TAB2: variants seen among roughly 807,000 people sequenced by gnomAD.
TAB2 encodes the protein TGF-beta activated kinase 1 (MAP3K7) binding protein 2.
TAB2 carries 3 observed loss-of-function variants against 65.0 expected under a neutral mutation model. The observed-to-expected ratio is 0.05, with a 90% confidence interval of 0.02 to 0.12. The LOEUF (loss-of-function observed/expected upper bound fraction) is 0.12, where lower values mean the gene tolerates loss of function less well. Ranked by LOEUF, TAB2 falls within the 10% of genes least tolerant of loss-of-function variation. The probability of loss-of-function intolerance (pLI) is 1.00; values close to 1 mark genes in which losing one functional copy is unlikely to be tolerated. For synonymous variants in TAB2, 298 were observed against 285.1 expected (o/e 1.05, Z -0.46); for missense variants, 623 against 840.3 (o/e 0.74, Z 3.20).
intron 1 of TAB2, among the ~76,000 whole-genome samples, chr6:149,240,508 T>C (rs574175464): frequency 6.6e-6 from 1 of 152,280 alleles, no homozygotes; most frequent in East Asian, 1.9e-4. Context: ...TAAGGTCAGG[T>C]GGATCAGAAT....
intron 1 of TAB2, among the ~76,000 whole-genome samples, chr6:149,322,427 C>G (rs1459705350): frequency 1.3e-5 from 2 of 152,064 alleles, no homozygotes; most frequent in Admixed American, 6.5e-5. Flanking sequence ...TTTCAGAACA[C>G]AATTGTATTT....
chr6:149,222,141 T>C (rs572140537), intron 1 of TAB2, among the ~76,000 whole-genome samples: 6 of 152,214 alleles, frequency 3.9e-5, no homozygotes, highest in Non-Finnish European at 8.8e-5. Context: ...CCCTTGGACA[T>C]CAGCACTTCT....
At chr6:149,340,788 C>G (rs535773448) in intron 1 of TAB2, among the ~76,000 whole-genome samples, 2 of 152,196 alleles carry the variant, frequency 1.3e-5, no homozygotes, top group African/African-American at 2.4e-5. Flanking sequence ...TAAGACACTT[C>G]CATGTTAACT....
intron 1 of TAB2, among the ~76,000 whole-genome samples, chr6:149,310,258 G>T (rs959975765): frequency 2.0e-5 from 3 of 152,118 alleles, no homozygotes; most frequent in African/African-American, 7.2e-5. Context: ...GATCGCTTGA[G>T]CCTGGGAGGC....
upstream of TAB2, among the ~76,000 whole-genome samples, chr6:149,315,026 C>G (rs1424672757): frequency 6.6e-6 from 1 of 152,052 alleles, no homozygotes; most frequent in African/African-American, 2.4e-5. Flanking sequence ...AGACTCCTAA[C>G]TATTTTTGTC....
rs2114933245 is a variant in TAB2 at position 149,394,323 on chromosome 6, T to G, written c.1604-3281T>G. On this transcript the variant is annotated intron_variant, in intron 3 of 6. Transcript: ENST00000637181. ...CTCTCCTCAAATTGTGAATCTTTTTTTTGCATGCTGTCCACCTTTTAAACT... is the reference window on the plus strand; with the variant it reads ...CTCTCCTCAAATTGTGAATCTTTTTGTTGCATGCTGTCCACCTTTTAAACT... Among the ~76,000 whole-genome samples the G allele has an allele frequency of 1.3e-5, 2 of 152,344 alleles. 1 individual carries two copies. Among genetic ancestry groups the G allele is most frequent in the Middle Eastern group, 6.8e-3 (2 of 294 alleles).
intron 1 of TAB2, among the ~76,000 whole-genome samples, chr6:149,254,004 A>AAGAAAGAAAGAAAG (rs1777931703): frequency 6.7e-6 from 1 of 148,230 alleles, no homozygotes; most frequent in African/African-American, 2.6e-5. Context: ...GAAAGAAAGA[A>AAGAAAGAAAGAAAG]AGAAAGAAAG....
At chr6:149,297,972 G>A (rs545159550) in intron 1 of TAB2, among the ~76,000 whole-genome samples, 1 of 151,942 alleles carries the variant, frequency 6.6e-6, no homozygotes, top group Non-Finnish European at 1.5e-5. Flanking sequence ...GATTTTCTGG[G>A]ACAATACATT....
intron 1 of TAB2, among the ~76,000 whole-genome samples, chr6:149,289,082 C>T (rs1343703709): frequency 1.3e-5 from 2 of 152,034 alleles, no homozygotes; most frequent in Non-Finnish European, 2.9e-5. Context: ...TGCTCTCAAA[C>T]TCCTGGCCTC....
chr6:149,410,262 G>C lies in TAB2; in HGVS notation c.*543G>C, dbSNP rs1244781461. 6.1e-6 allele frequency: 1 copy of C among 163,590 alleles called. No individual in the cohort carries two copies. The highest frequency in any genetic ancestry group is 1.3e-5 in the Non-Finnish European group (1 of 74,744). 10.1% of individuals were successfully genotyped at this position (163,590 alleles called of 1,614,324 possible). A position where few individuals can be genotyped will look rare whatever the true frequency, so the allele number is the denominator to read the frequency against. ...TCTTCCCTGAACGTGTCTCCACTCTGTGAAGCCAGCATCTAGGGGCTAAAG... is the reference window on the plus strand; with the variant it reads ...TCTTCCCTGAACGTGTCTCCACTCTCTGAAGCCAGCATCTAGGGGCTAAAG... On this transcript the variant is annotated 3_prime_UTR_variant, in exon 7 of 7. Transcript: ENST00000637181.
chr6:149,228,715 T>G (rs1293145193), intron 1 of TAB2, among the ~76,000 whole-genome samples: 7 of 152,238 alleles, frequency 4.6e-5, no homozygotes, highest in Admixed American at 4.6e-4. Context: ...TAAAAGAGCC[T>G]TTGTCAAAGC....
intron 1 of TAB2, among the ~76,000 whole-genome samples, chr6:149,348,392 AAGAG>A (rs958007349): frequency 1.3e-5 from 2 of 151,996 alleles, no homozygotes; most frequent in Non-Finnish European, 2.9e-5. Flanking sequence ...CTGTCTCAGA[AAGAG>A]AGAGAAGGAA....
rs1306447722 is a variant in TAB2, at chr6:149,358,037, CAAGT to C, written c.-89-11867_-89-11864del. On this transcript the variant is annotated intron_variant, in intron 1 of 6. Coordinates refer to ENST00000637181, the MANE Select transcript of TAB2 (RefSeq NM_001292034.3). ...ATCTTTACATGATTGTCTGTTTTCTCAAGTAAGTTCCTAGAAGTGAAATTGCTGA... is the reference window on the plus strand; with the variant it reads ...ATCTTTACATGATTGTCTGTTTTCTCAAGTTCCTAGAAGTGAAATTGCTGA... Among the ~76,000 whole-genome samples, 6 of 152,226 alleles carry C rather than the reference CAAGT, an allele frequency of 3.9e-5. No individual in the cohort carries two copies. The East Asian group carries it at 1.2e-3, about 29-fold the overall frequency.
intron 1 of TAB2, among the ~76,000 whole-genome samples, chr6:149,306,828 TG>T (rs1779080991): frequency 6.6e-6 from 1 of 152,092 alleles, no homozygotes; most frequent in Non-Finnish European, 1.5e-5. Context: ...TGGGTGGGGA[TG>T]GGGAGAGGGA....
Position 149,409,842 on chromosome 6 carries a change from T to C in TAB2, c.*123T>C, listed in dbSNP as rs560658000. On this transcript the variant is annotated 3_prime_UTR_variant, in exon 7 of 7. Transcript: ENST00000637181. Reference sequence around the variant, plus strand: ...AATTGAAGGTGTGACAAGATGGTGTTCTGCTAATGTTAAATGTCAGCCCAC... The same window carrying C: ...AATTGAAGGTGTGACAAGATGGTGTCCTGCTAATGTTAAATGTCAGCCCAC... 1 of 1,107,976 alleles carries C rather than the reference T, an allele frequency of 9.0e-7. No homozygotes were observed. The highest frequency in any genetic ancestry group is 1.4e-6 in the Non-Finnish European group (1 of 735,890). The allele number at this position is 1,107,976 out of a possible 1,614,324, so 68.6% of individuals were successfully genotyped here.
intron 1 of TAB2, chr6:149,252,959 C>T (rs1777891164): frequency 6.6e-6 from 1 of 152,360 alleles, no homozygotes. Context: ...CAGAGGCAGC[C>T]CAGCCAAGCT....
chr6:149,377,928 A>C, intron 2 of TAB2, 90 bp from the exon 3 acceptor site: 1 of 950,088 alleles, frequency 1.1e-6, no homozygotes, highest in Admixed American at 2.0e-5. Context: ...TGTATTAGCC[A>C]GTCACTTGGT....
intron 1 of TAB2, among the ~76,000 whole-genome samples, chr6:149,223,054 T>A (rs548013632): frequency 6.6e-6 from 1 of 152,194 alleles, no homozygotes; most frequent in Admixed American, 6.5e-5. Context: ...TCAAGTCTAA[T>A]AAAAAAATTC....
At chr6:149,276,641 A>G (rs1778479096) in intron 1 of TAB2, among the ~76,000 whole-genome samples, 1 of 152,252 alleles carries the variant, frequency 6.6e-6, no homozygotes, top group African/African-American at 2.4e-5. Flanking sequence ...TAGTATTTTT[A>G]TCACATTCAT....
Sources: gnomAD v4.1 joint callset for allele counts (sites outside exome capture counted in the v4.1 genomes callset) on GRCh38, gnomAD v4.1.1 for gene constraint, MANE v1.5 for transcripts, NCBI Gene and HGNC (gene_info 2026-07-23, HGNC 2026-07-21) for gene names.